CTIF: variants seen among roughly 807,000 people sequenced by gnomAD.
The protein encoded by CTIF is CBP80/20-dependent translation initiation factor.
In CTIF, 21 loss-of-function variants were observed where a neutral mutation model predicts 66.0. That is an observed-to-expected ratio of 0.32 (90% CI 0.23 to 0.46). CTIF has a LOEUF of 0.46. Ranked by LOEUF, CTIF falls within the 20% of genes least tolerant of loss-of-function variation. CTIF has a pLI of 1.00. For missense variants in CTIF, 739 were observed against 812.7 expected, an observed-to-expected ratio of 0.91 and a Z score of 1.10; for synonymous variants, 345 against 326.4, an observed-to-expected ratio of 1.06 and a Z score of -0.62.
chr18:48,723,689 C>T (rs536968350), intron 7 of CTIF, among the ~76,000 whole-genome samples: 1 of 152,314 alleles, frequency 6.6e-6, no homozygotes, highest in South Asian at 2.1e-4. Flanking sequence ...GGGTGCCTTT[C>T]ACTCCTCAGG....
chr18:48,584,306 T>C (rs1252293807), intron 1 of CTIF, among the ~76,000 whole-genome samples: 1 of 152,212 alleles, frequency 6.6e-6, no homozygotes, highest in Non-Finnish European at 1.5e-5. Flanking sequence ...CAACTCTGAT[T>C]GTCTTATTTA....
At chr18:48,724,557 A>C in intron 7 of CTIF, among the ~76,000 whole-genome samples, 1 of 149,288 alleles carries the variant, frequency 6.7e-6, no homozygotes. Flanking sequence ...ACTCCTTCCT[A>C]CTCCTCCACC....
chr18:48,680,182 G>T (rs956683706), intron 6 of CTIF, among the ~76,000 whole-genome samples: 2 of 152,274 alleles, frequency 1.3e-5, no homozygotes, highest in African/African-American at 2.4e-5. Context: ...TTTGTTATTT[G>T]TTAGGGACAA....
At chr18:48,834,740 G>A (rs953100009) in intron 10 of CTIF, 7 of 152,708 alleles carry the variant, frequency 4.6e-5, no homozygotes, top group Admixed American at 1.3e-4. Flanking sequence ...AGGATGCAGA[G>A]CTGGGTGGTT....
In CTIF at chr18:48,542,642, A is replaced by G. The variant is rs556483665; in HGVS notation, c.-29+3330A>G. Among the ~76,000 whole-genome samples the G allele has an allele frequency of 1.2e-4, 18 of 152,364 alleles. 1 individual carries two copies. Among genetic ancestry groups the G allele is most frequent in the African/African-American group, 4.1e-4 (17 of 41,584 alleles). On this transcript the variant is annotated intron_variant, in intron 1 of 11. Coordinates refer to ENST00000256413, the MANE Select transcript of CTIF (RefSeq NM_014772.3). Reference sequence around the variant, plus strand: ...GATAGTTAAGTTGCAATGCAATAACACAGCCTACAGGAGGGAACAAATCAT... The same window carrying G: ...GATAGTTAAGTTGCAATGCAATAACGCAGCCTACAGGAGGGAACAAATCAT...
At chr18:48,750,065 G>A (rs1907657188) in intron 7 of CTIF, among the ~76,000 whole-genome samples, 1 of 152,218 alleles carries the variant, frequency 6.6e-6, no homozygotes, top group Non-Finnish European at 1.5e-5. Flanking sequence ...GATTCACCCT[G>A]GAACAAAAAT....
chr18:48,675,995 C>T (rs2091622797), intron 6 of CTIF, among the ~76,000 whole-genome samples: 1 of 152,162 alleles, frequency 6.6e-6, no homozygotes. Context: ...TATCCTTCAC[C>T]TCATCTCTGG....
chr18:48,542,845 G>A (rs1463284119), intron 1 of CTIF, among the ~76,000 whole-genome samples: 1 of 152,156 alleles, frequency 6.6e-6, no homozygotes, highest in African/African-American at 2.4e-5. Flanking sequence ...GGGCCCAGAG[G>A]TATGTTCTTC....
intron 1 of CTIF, among the ~76,000 whole-genome samples, chr18:48,542,478 G>A (rs149711766): frequency 9.2e-5 from 14 of 152,244 alleles, no homozygotes; most frequent in South Asian, 2.1e-4. Flanking sequence ...AATATGTACT[G>A]GGCACCTACA....
At chr18:48,725,298 C>T (rs780171066) in intron 7 of CTIF, among the ~76,000 whole-genome samples, 44 of 152,064 alleles carry the variant, frequency 2.9e-4, no homozygotes, top group Non-Finnish European at 4.3e-4. Flanking sequence ...GGAGGGCTGG[C>T]GGTGCTCAGT....
At chr18:48,708,083 G>A (rs925070283) in intron 6 of CTIF, among the ~76,000 whole-genome samples, 4 of 152,198 alleles carry the variant, frequency 2.6e-5, no homozygotes, top group African/African-American at 9.7e-5. Context: ...ATACTCCACT[G>A]TATATATGTA....
intron 9 of CTIF, among the ~76,000 whole-genome samples, chr18:48,774,171 T>G (rs1325672690): frequency 1.3e-5 from 2 of 152,146 alleles, no homozygotes; most frequent in African/African-American, 4.8e-5. Flanking sequence ...CGGCATCATG[T>G]GAGCAATTTA....
At chr18:48,785,150 T>TTTCC (rs905314202) in intron 9 of CTIF, among the ~76,000 whole-genome samples, 16 of 152,192 alleles carry the variant, frequency 1.1e-4, no homozygotes, top group South Asian at 2.1e-4. Context: ...TCCTTCTTTC[T>TTTCC]TTCCTTCCTT....
rs377281281 is a variant in CTIF at position 48,849,582 on chromosome 18, C to CT, written c.1528-7984dup. Among the ~76,000 whole-genome samples, 964 of 114,400 alleles carry CT rather than the reference C, an allele frequency of 8.4e-3. 9 individuals are homozygous for CT. The highest frequency in any genetic ancestry group is 0.014 in the East Asian group (59 of 4,268). The allele number at this position is 114,400 out of a possible 152,430, so 75.1% of individuals were successfully genotyped here. ...ATTATGTAAAGCTTACCATTTTAAA[C>CT]TTTTTTTTTTTTTTTTTTTTTTGAG... On this transcript the variant is annotated intron_variant, in intron 10 of 11. Coordinates refer to ENST00000256413, the MANE Select transcript of CTIF (RefSeq NM_014772.3).
At chr18:48,577,246 T>C (rs1204948486) in intron 1 of CTIF, among the ~76,000 whole-genome samples, 1 of 152,234 alleles carries the variant, frequency 6.6e-6, no homozygotes, top group African/African-American at 2.4e-5. Flanking sequence ...GTTTTTAAGG[T>C]GGGTGATGTC....
intron 10 of CTIF, among the ~76,000 whole-genome samples, chr18:48,819,757 A>C (rs908208684): frequency 6.6e-6 from 1 of 152,262 alleles, no homozygotes; most frequent in African/African-American, 2.4e-5. Context: ...AAGAGGGCAG[A>C]GCCCCATGTA....
At chr18:48,785,973 G>A (rs889157697) in intron 9 of CTIF, among the ~76,000 whole-genome samples, 6 of 152,074 alleles carry the variant, frequency 3.9e-5, no homozygotes, top group Admixed American at 2.0e-4. Context: ...CAGCAACCCC[G>A]CCAGGGTTTA....
intron 7 of CTIF, among the ~76,000 whole-genome samples, chr18:48,722,121 T>C (rs75802563): frequency 0.037 from 5,656 of 151,876 alleles, 102 homozygotes; most frequent in Middle Eastern, 0.072. Flanking sequence ...AAGGCAGCCA[T>C]GCCTGCTGCC....
intron 9 of CTIF, among the ~76,000 whole-genome samples, chr18:48,814,290 G>T (rs2068318010): frequency 6.6e-6 from 1 of 152,162 alleles, no homozygotes; most frequent in South Asian, 2.1e-4. Flanking sequence ...CAGAGCCATG[G>T]TTGCACGTTA....
Sources: gnomAD v4.1 joint callset for allele counts (sites outside exome capture counted in the v4.1 genomes callset) on GRCh38, gnomAD v4.1.1 for gene constraint, MANE v1.5 for transcripts, NCBI Gene and HGNC (gene_info 2026-07-23, HGNC 2026-07-21) for gene names.